Variants in UBR2 observed in about 807,000 individuals in gnomAD.
The protein encoded by UBR2 is ubiquitin protein ligase E3 component n-recognin 2, also known as E3 ubiquitin-protein ligase UBR2.
Under a neutral mutation model 247.9 loss-of-function variants are expected in UBR2, and 92 were observed. The observed-to-expected ratio is 0.37, with a 90% CI of 0.31 to 0.44. The LOEUF is 0.44. Among genes scored for constraint, UBR2 ranks in the 20% least tolerant of loss-of-function variants. The pLI is 1.00. For missense variants in UBR2, 1,613 were observed against 2,112.6 expected (o/e 0.76, Z 4.64); for synonymous variants, 672 against 693.5 (o/e 0.97, Z 0.49).
rs1211028404 is a variant in UBR2, at chr6:42,670,125, A to G, written c.3915A>G (p.Leu1305=). 1.2e-6 allele frequency: 2 copies of G among 1,614,086 alleles called. No individual in the cohort carries two copies. The highest frequency in any genetic ancestry group is 1.7e-6 in the Non-Finnish European group (2 of 1,180,028). Residue 1305 remains leucine, a synonymous_variant, in exon 35 of 47, where the codon CTA becomes CTG. Transcript: ENST00000372901. ...ATTCTGAGAGCATAAAAGAAATGCT[A>G]ACGACATTTGGAACTGCTACCTACA... is the stretch of plus-strand genomic sequence containing the variant. ...IPYSESIKEM[L]TTFGTATYKV...
At chr6:42,688,443 G>A in intron 45 of UBR2, 57 bp downstream of exon 45, 1 of 1,585,516 alleles carries the variant, frequency 6.3e-7, no homozygotes, top group Non-Finnish European at 8.6e-7. Flanking sequence ...TGACTGTTAG[G>A]GTGTCACAGG....
chr6:42,576,522 CT>C (rs58739895), intron 2 of UBR2, among the ~76,000 whole-genome samples: 11,419 of 86,592 alleles, frequency 0.13, 196 homozygotes, highest in Middle Eastern at 0.16. Context: ...GCCTTTCCCT[CT>C]TTTTTTTTTT....
intron 11 of UBR2, among the ~76,000 whole-genome samples, chr6:42,630,844 C>T (rs1795667305): frequency 6.6e-6 from 1 of 152,108 alleles, no homozygotes. Context: ...CAGGGTCTCA[C>T]TCTGTCGCCC....
In UBR2 at chr6:42,635,458, A is replaced by C; in HGVS notation, c.1586A>C (p.Glu529Ala). The C allele has an allele frequency of 6.2e-7, 1 of 1,613,978 alleles. No individual in the cohort carries two copies. Among genetic ancestry groups the C allele is most frequent in the Non-Finnish European group, 8.5e-7 (1 of 1,179,878 alleles). ...PITRQVGQHI[E>A]MEPEWEAAFT... ...ACACGTCAAGTAGGACAACATATTG[A>C]AATGGAACCAGAGTGGGAAGCAGCC... The change falls in exon 14 of 47, where the codon GAA (glutamate) becomes GCA (alanine). Residue 529 changes from glutamate (E) to alanine (A), a missense_variant. Glu to Ala is a moderately radical substitution (Grantham distance 107). Around this residue, in one of 3 missense-constraint regions of UBR2, gnomAD observed 1,524 missense variants for 1,967.3 expected, o/e 0.77. Coordinates refer to ENST00000372901, the MANE Select transcript of UBR2 (RefSeq NM_001363705.2).
At position 42,601,893 on chromosome 6, in the gene UBR2, G is replaced by GAT. The variant is rs761284139; in HGVS notation, c.532-1695_532-1694insAT. Among the ~76,000 whole-genome samples, 322 of 68,788 alleles carry GAT rather than the reference G, an allele frequency of 4.7e-3. 8 individuals carry two copies. The highest frequency in any genetic ancestry group is 8.3e-3 in the Middle Eastern group (1 of 120). 45.1% of individuals were successfully genotyped at this position (68,788 alleles called of 152,430 possible). On this transcript the variant is annotated intron_variant, in intron 4 of 46. Coordinates refer to ENST00000372901, the MANE Select transcript of UBR2 (RefSeq NM_001363705.2). Reference sequence around the variant, plus strand: ...TTTTTTTCTTTTTTTTTTTTTTGATGGAGTTTTGCTCTGTTGCCCAGGCTG... The same window carrying GAT: ...TTTTTTTCTTTTTTTTTTTTTTGATGATGAGTTTTGCTCTGTTGCCCAGGCTG...
chr6:42,621,951 CATTT>C (rs754671197), intron 11 of UBR2, among the ~76,000 whole-genome samples: 3 of 152,094 alleles, frequency 2.0e-5, no homozygotes, highest in Non-Finnish European at 2.9e-5. Flanking sequence ...TTCCTTCATT[CATTT>C]AGTTTTTTAA....
chr6:42,576,386 CA>C (rs1791506442), intron 2 of UBR2, among the ~76,000 whole-genome samples: 1 of 152,146 alleles, frequency 6.6e-6, no homozygotes, highest in Non-Finnish European at 1.5e-5. Flanking sequence ...TCATTTTCCT[CA>C]AAATATTTGC....
rs1161818497 is a variant in UBR2 at position 42,606,636 on chromosome 6, A to G, written c.849A>G (p.Ala283=). The change falls in exon 7 of 47, where the codon GCA becomes GCG. Residue 283 remains alanine (A), a synonymous_variant. Transcript: ENST00000372901. ...GAGATTTTCAGTATTGTGAGCAAGC[A>G]AAATCAGTAATTGTGGTAAGTAATT... is the stretch of plus-strand genomic sequence containing the variant. The part of the protein sequence containing the change: ...RYGDFQYCEQ[A]KSVIVRNTSR... 6.2e-7 allele frequency: 1 copy of G among 1,607,028 alleles called. No individual in the cohort carries two copies. Among genetic ancestry groups the G allele is most frequent in the South Asian group, 1.1e-5 (1 of 89,088 alleles).
chr6:42,632,032 A>G (rs1257808429), intron 11 of UBR2, among the ~76,000 whole-genome samples: 6 of 130,864 alleles, frequency 4.6e-5, no homozygotes, highest in African/African-American at 1.7e-4. Flanking sequence ...TGCATTTAGT[A>G]TGATTTACAT....
At chr6:42,635,624 G>T in intron 14 of UBR2, 78 bp downstream of exon 14, 1 of 1,498,628 alleles carries the variant, frequency 6.7e-7, no homozygotes, top group Non-Finnish European at 9.1e-7. Flanking sequence ...TAAATTTCAA[G>T]GAGATCTGGA....
chr6:42,598,116 G>A (rs1028939927), intron 4 of UBR2, among the ~76,000 whole-genome samples: 3 of 151,984 alleles, frequency 2.0e-5, no homozygotes, highest in Admixed American at 2.0e-4. Context: ...TTTGCATTTG[G>A]GGGTGAGATA....
At chr6:42,652,951 A>G in intron 25 of UBR2, among the ~76,000 whole-genome samples, 1 of 152,202 alleles carries the variant, frequency 6.6e-6, no homozygotes, top group Non-Finnish European at 1.5e-5. Context: ...TTTCTAATCT[A>G]ATTATTTTCC....
At chr6:42,594,395 T>TAGTGGA in intron 4 of UBR2, 91 bp downstream of exon 4, 9 of 967,220 alleles carry the variant, frequency 9.3e-6, no homozygotes, top group Non-Finnish European at 1.4e-5. Flanking sequence ...GATAAGCAAA[T>TAGTGGA]AGTACTTCCA....
At chr6:42,592,101 A>G in intron 2 of UBR2, 50 bp from the exon 3 acceptor site, 1 of 1,498,418 alleles carries the variant, frequency 6.7e-7, no homozygotes, top group Non-Finnish European at 9.2e-7. Flanking sequence ...TCTGTTGTGA[A>G]ATATATAGTT....
chr6:42,657,448 C>G (rs1582663258), intron 26 of UBR2, among the ~76,000 whole-genome samples: 1 of 152,170 alleles, frequency 6.6e-6, no homozygotes, highest in Non-Finnish European at 1.5e-5. Context: ...AAAGATCACA[C>G]AGGTCAATCT....
intron 10 of UBR2, 200 bp from the exon 11 acceptor site, chr6:42,617,209 A>C: frequency 4.4e-6 from 7 of 1,598,766 alleles, no homozygotes; most frequent in Non-Finnish European, 6.0e-6. Flanking sequence ...GTCATTGTGG[A>C]TTAGAGGTGA....
At chr6:42,605,964 T>C in intron 6 of UBR2, 105 bp downstream of exon 6, 5 of 1,060,266 alleles carry the variant, frequency 4.7e-6, no homozygotes, top group South Asian at 3.9e-5. Context: ...TAGGCTTTTC[T>C]TAAAATTTCA....
chr6:42,631,730 A>G (rs1477930776), intron 11 of UBR2, among the ~76,000 whole-genome samples: 3 of 151,360 alleles, frequency 2.0e-5, no homozygotes, highest in East Asian at 3.9e-4. Context: ...AAAAAAATGT[A>G]CAAAACAATA....
rs760934968 is a variant in UBR2 at position 42,632,634 on chromosome 6, A to G, written c.1364A>G (p.Gln455Arg). 2 of 1,613,940 alleles carry G rather than the reference A, an allele frequency of 1.2e-6. No individual in the cohort carries two copies. Among genetic ancestry groups the G allele is most frequent in the South Asian group, 2.2e-5 (2 of 91,044 alleles). The change falls in exon 12 of 47, where the codon CAG (glutamine) becomes CGG (arginine). Residue 455 changes from glutamine (Q) to arginine (R), a missense_variant. By Grantham distance (43) the Gln-to-Arg change is conservative. Around this residue, in one of 3 missense-constraint regions of UBR2, gnomAD observed 1,524 missense variants for 1,967.3 expected, o/e 0.77. Coordinates refer to ENST00000372901, the MANE Select transcript of UBR2 (RefSeq NM_001363705.2). Reference protein sequence around the residue: ...FMDHLRHRDAQGRFQFERYTA... With the variant: ...FMDHLRHRDARGRFQFERYTA... ...GATCATTTGAGACATCGAGATGCCCAGGGCAGATTTCAGTTTGAACGATAC... is the reference window on the plus strand; with the variant it reads ...GATCATTTGAGACATCGAGATGCCCGGGGCAGATTTCAGTTTGAACGATAC...
Sources: gnomAD v4.1 joint callset for allele counts (sites outside exome capture counted in the v4.1 genomes callset) on GRCh38, gnomAD v4.1.1 for gene constraint, gnomAD v4.1.1 regional missense constraint, MANE v1.5 for transcripts, NCBI Gene and HGNC (gene_info 2026-07-23, HGNC 2026-07-21) for gene names.